Variants in ADGRL3 observed in about 807,000 individuals in gnomAD.
ADGRL3 encodes the protein adhesion G protein-coupled receptor L3, also known as calcium-independent alpha-latrotoxin receptor 3.
ADGRL3 carries 62 observed loss-of-function variants against 153.5 expected under a neutral mutation model. The observed-to-expected ratio is 0.40, with a 90% CI of 0.33 to 0.50. ADGRL3 has a LOEUF of 0.50. Among genes scored for constraint, ADGRL3 ranks in the 20% least tolerant of loss-of-function variants. ADGRL3 has a pLI of 0.47. For missense variants in ADGRL3, 1,641 were observed against 1,859.4 expected (o/e 0.88, Z 2.16); for synonymous variants, 710 against 672.5 (o/e 1.06, Z -0.86).
chr4:61,454,822 T>G (rs759139622), intron 2 of ADGRL3, among the ~76,000 whole-genome samples: 3 of 152,148 alleles, frequency 2.0e-5, no homozygotes, highest in Non-Finnish European at 4.4e-5. Context: ...GAAGATAGAT[T>G]TTTTTTCCTT....
intron 1 of ADGRL3, among the ~76,000 whole-genome samples, chr4:61,298,431 C>T (rs1330226404): frequency 6.6e-6 from 1 of 152,134 alleles, no homozygotes; most frequent in Admixed American, 6.5e-5. Context: ...GTTTTTGAAT[C>T]ATTTCATTAA....
At chr4:61,319,912 G>GC (rs981245840) in intron 1 of ADGRL3, among the ~76,000 whole-genome samples, 5 of 152,116 alleles carry the variant, frequency 3.3e-5, no homozygotes, top group Non-Finnish European at 4.4e-5. Context: ...GCTCCCTGCA[G>GC]CCCAGTTCAT....
At chr4:61,899,748 A>G (rs535655849) in intron 11 of ADGRL3, among the ~76,000 whole-genome samples, 41 of 152,294 alleles carry the variant, frequency 2.7e-4, no homozygotes, top group Non-Finnish European at 2.8e-4. Flanking sequence ...AAAGTCCAAG[A>G]TCAGGGTGCT....
intron 7 of ADGRL3, 38 bp from the exon 8 acceptor site, chr4:61,732,716 A>G: frequency 1.7e-6 from 2 of 1,147,278 alleles, no homozygotes; most frequent in Non-Finnish European, 2.3e-6. Flanking sequence ...ATATGAAATT[A>G]ATATATTTAT....
chr4:61,288,285 G>A (rs2094024385), intron 1 of ADGRL3, among the ~76,000 whole-genome samples: 1 of 151,806 alleles, frequency 6.6e-6, no homozygotes, highest in Admixed American at 6.6e-5. Flanking sequence ...AGAAAACCAA[G>A]CTAACCATTA....
intron 1 of ADGRL3, among the ~76,000 whole-genome samples, chr4:61,208,226 A>G (rs534315201): frequency 2.0e-5 from 3 of 152,198 alleles, no homozygotes; most frequent in Admixed American, 2.0e-4. Flanking sequence ...ATGAACAGAA[A>G]GGGACTCTGG....
chr4:61,244,893 TTG>T (rs34328618), intron 1 of ADGRL3, among the ~76,000 whole-genome samples: 148,944 of 151,992 alleles, frequency 0.98, 72,999 homozygotes, highest in East Asian at 1. Flanking sequence ...TCTTTGCTTA[TTG>T]TATGCTATAT....
chr4:61,338,845 G>A (rs2151095187), intron 1 of ADGRL3, among the ~76,000 whole-genome samples: 1 of 152,232 alleles, frequency 6.6e-6, no homozygotes, highest in East Asian at 1.9e-4. Context: ...TATTATTATA[G>A]TTTTTCAACA....
intron 1 of ADGRL3, among the ~76,000 whole-genome samples, chr4:61,288,760 A>G (rs543396458): frequency 5.6e-4 from 85 of 152,160 alleles, no homozygotes; most frequent in Non-Finnish European, 9.7e-4. Context: ...ATATAGAGGC[A>G]TGTAAGTAAG....
rs777843923 is a variant in ADGRL3 at position 61,998,217 on chromosome 4, A to T, written c.3347A>T (p.His1116Leu). The change falls in exon 21 of 27, where the codon CAT becomes CTT. Residue 1116 changes from histidine to leucine, a missense_variant. This residue lies in a region of ADGRL3 where 517 missense variants were observed against 555.0 expected (regional missense o/e 0.93). Transcript: ENST00000683033. ...GGGATTGCTTTATATAAAATGTTTC[A>T]TCATACTGCTATACTGAAACCTGAA... ...FLGIALYKMF[H>L]HTAILKPESG... 1 of 1,587,474 alleles carries T rather than the reference A, an allele frequency of 6.3e-7. No individual in the cohort carries two copies. The highest frequency in any genetic ancestry group is 1.2e-5 in the South Asian group (1 of 86,940).
At chr4:61,807,773 A>G (rs977420210) in intron 8 of ADGRL3, among the ~76,000 whole-genome samples, 4 of 152,210 alleles carry the variant, frequency 2.6e-5, no homozygotes, top group African/African-American at 9.6e-5. Context: ...ATGAAATTAT[A>G]TGTCCTGGAT....
At chr4:61,839,139 T>G (rs1020423048) in intron 9 of ADGRL3, among the ~76,000 whole-genome samples, 2 of 152,130 alleles carry the variant, frequency 1.3e-5, no homozygotes, top group Non-Finnish European at 2.9e-5. Context: ...TTGCTTTCTG[T>G]GGTATACTTT....
chr4:61,896,468 C>A (rs1267493048), intron 11 of ADGRL3, among the ~76,000 whole-genome samples: 1 of 152,064 alleles, frequency 6.6e-6, no homozygotes, highest in East Asian at 1.9e-4. Flanking sequence ...AATGGAGAGT[C>A]CTTCTATGGC....
chr4:61,855,596 G>C (rs1469334075), intron 9 of ADGRL3, among the ~76,000 whole-genome samples: 1 of 151,978 alleles, frequency 6.6e-6, no homozygotes, highest in Non-Finnish European at 1.5e-5. Flanking sequence ...AAAATATCAA[G>C]AGATTTATGT....
chr4:61,803,597 G>A (rs1236939424), intron 8 of ADGRL3, among the ~76,000 whole-genome samples: 1 of 151,700 alleles, frequency 6.6e-6, no homozygotes, highest in Non-Finnish European at 1.5e-5. Flanking sequence ...AAACCAAAAT[G>A]GAAATATAAT....
intron 25 of ADGRL3, among the ~76,000 whole-genome samples, chr4:62,056,054 T>C (rs1422297159): frequency 6.6e-6 from 1 of 151,640 alleles, no homozygotes; most frequent in African/African-American, 2.4e-5. Flanking sequence ...GAAGAGGATC[T>C]TAAAAAAATT....
chr4:61,863,933 C>A (rs1256085133), intron 9 of ADGRL3, among the ~76,000 whole-genome samples: 1 of 152,148 alleles, frequency 6.6e-6, no homozygotes, highest in Non-Finnish European at 1.5e-5. Context: ...GCAGTTCTCC[C>A]TATGAAGGTT....
intron 4 of ADGRL3, among the ~76,000 whole-genome samples, chr4:61,562,101 T>C (rs575623061): frequency 8.5e-5 from 13 of 152,352 alleles, no homozygotes; most frequent in African/African-American, 2.4e-4. Flanking sequence ...ATTTTTTGAC[T>C]TCTCAATGCA....
In ADGRL3 at chr4:61,828,950, A is replaced by T. The variant is rs146188655; in HGVS notation, c.1480+15061A>T. On this transcript the variant is annotated intron_variant, in intron 9 of 26. Coordinates refer to ENST00000683033, the MANE Select transcript of ADGRL3 (RefSeq NM_001387552.1). ...CTTCCCTTACCATTTCTGTTGCTCT[A>T]AAACTATTTCTCGTGGTCATGCTCT... Among the ~76,000 whole-genome samples, 35 of 152,348 alleles carry T rather than the reference A, an allele frequency of 2.3e-4. No homozygotes were observed. The East Asian group carries it at 6.2e-3, about 27-fold the overall frequency.
Sources: allele counts gnomAD v4.1 joint callset (sites outside exome capture counted in the v4.1 genomes callset), GRCh38; gene constraint gnomAD v4.1.1; regional missense constraint gnomAD v4.1.1; transcripts MANE v1.5; gene names NCBI Gene and HGNC (gene_info 2026-07-23, HGNC 2026-07-21).